PTPRQ: variants seen among roughly 807,000 people sequenced by gnomAD.
PTPRQ encodes phosphatidylinositol phosphatase PTPRQ.
PTPRQ carries 199 observed loss-of-function variants against 246.0 expected under a neutral mutation model. The ratio of observed to expected loss-of-function variants is 0.81; its 90% confidence interval spans 0.72 to 0.91. PTPRQ has a LOEUF of 0.91. Among genes scored for constraint, PTPRQ ranks in the 40% least tolerant of loss-of-function variants. The pLI, the probability that PTPRQ is intolerant of heterozygous loss-of-function variation, is 0.00. For synonymous variants in PTPRQ, 869 were observed against 853.2 expected (o/e 1.02, Z -0.32); for missense variants, 2,624 against 2,528.4 (o/e 1.04, Z -0.81).
chr12:80,617,588 A>G (rs903266904), intron 30 of PTPRQ, among the ~76,000 whole-genome samples: 1 of 151,212 alleles, frequency 6.6e-6, no homozygotes, highest in African/African-American at 2.4e-5. Flanking sequence ...CTTTAGTAAA[A>G]CTTCCCATTT....
Position 80,496,340 on chromosome 12 carries a change from G to T in PTPRQ, c.2081G>T (p.Gly694Val). ...LKWSPPEKPN[G>V]IIIAYEVLYK... ...TGGTCACCACCCGAAAAGCCCAATG[G>T]GATCATTATTGCTTATGAAGTGCTA... The change falls in exon 14 of 45, where the codon GGG becomes GTG. Residue 694 changes from glycine to valine, a missense_variant. Physicochemically the swap from Gly to Val is moderately radical, Grantham distance 109. Coordinates refer to ENST00000644991, the MANE Select transcript of PTPRQ (RefSeq NM_001145026.2). 1 of 1,550,602 alleles carries T rather than the reference G, an allele frequency of 6.4e-7. No individual in the cohort carries two copies. The highest frequency in any genetic ancestry group is 8.7e-7 in the Non-Finnish European group (1 of 1,146,446).
At chr12:80,494,811 G>T in intron 10 of PTPRQ, 122 bp from the exon 11 acceptor site, 1 of 949,300 alleles carries the variant, frequency 1.1e-6, no homozygotes, top group Non-Finnish European at 1.5e-6. Context: ...ATAGAGGTGT[G>T]CATGGAGAGA....
chr12:80,637,533 T>C (rs984735517), intron 35 of PTPRQ, among the ~76,000 whole-genome samples: 16 of 152,204 alleles, frequency 1.1e-4, no homozygotes, highest in African/African-American at 3.6e-4. Flanking sequence ...GTGATTCTGG[T>C]ATTCACAATT....
chr12:80,669,581 T>A, intron 41 of PTPRQ, 117 bp downstream of exon 41: 1 of 1,348,376 alleles, frequency 7.4e-7, no homozygotes, highest in Admixed American at 3.0e-5. Context: ...TATTCAACAA[T>A]GCTTTTGTAT....
intron 4 of PTPRQ, 53 bp downstream of exon 4, chr12:80,457,697 A>T: frequency 2.5e-6 from 1 of 399,632 alleles, no homozygotes. Context: ...TTTGTCGTTT[A>T]AAATAATAAA....
At chr12:80,620,127 T>C in intron 31 of PTPRQ, 27 bp from the exon 32 acceptor site, 1 of 1,518,150 alleles carries the variant, frequency 6.6e-7, no homozygotes, top group Non-Finnish European at 8.8e-7. Context: ...TACTTGGAAT[T>C]ATTGTTCTCT....
chr12:80,587,071 C>A (rs1475549976), intron 25 of PTPRQ, among the ~76,000 whole-genome samples: 1 of 152,030 alleles, frequency 6.6e-6, no homozygotes, highest in African/African-American at 2.4e-5. Context: ...TTGTTTACAG[C>A]TCCCCTGAAT....
intron 3 of PTPRQ, among the ~76,000 whole-genome samples, chr12:80,457,148 G>GT (rs1015157022): frequency 4.0e-5 from 6 of 151,840 alleles, no homozygotes; most frequent in Non-Finnish European, 7.4e-5. Context: ...TTTTAAAACA[G>GT]TTTTTTGAGT....
chr12:80,608,919 G>A (rs1050086122), intron 27 of PTPRQ, among the ~76,000 whole-genome samples: 4 of 150,398 alleles, frequency 2.7e-5, no homozygotes, highest in African/African-American at 9.7e-5. Flanking sequence ...ATTACAAAAA[G>A]CATATTTTTA....
chr12:80,653,226 T>TA (rs974959468), intron 38 of PTPRQ, among the ~76,000 whole-genome samples: 14 of 151,928 alleles, frequency 9.2e-5, no homozygotes, highest in Admixed American at 2.0e-4. Flanking sequence ...CTATGGAACA[T>TA]AAAAAAAATG....
chr12:80,557,066 C>A (rs1350748225), intron 25 of PTPRQ, among the ~76,000 whole-genome samples: 1 of 152,054 alleles, frequency 6.6e-6, no homozygotes, highest in Non-Finnish European at 1.5e-5. Context: ...TTGTTTTTGG[C>A]CATTTTCCTG....
intron 10 of PTPRQ, among the ~76,000 whole-genome samples, chr12:80,494,448 T>C (rs1239932463): frequency 2.0e-5 from 3 of 152,160 alleles, no homozygotes; most frequent in East Asian, 3.9e-4. Context: ...AATAAAACTC[T>C]TTATTTATTT....
intron 25 of PTPRQ, among the ~76,000 whole-genome samples, chr12:80,558,113 TTC>T (rs1310997737): frequency 1.5e-5 from 2 of 133,518 alleles, no homozygotes; most frequent in African/African-American, 3.2e-5. Flanking sequence ...CTTCTTTCTT[TTC>T]TTTCTTTCTT....
chr12:80,486,108 C>G (rs1894267362), intron 9 of PTPRQ, among the ~76,000 whole-genome samples: 1 of 152,078 alleles, frequency 6.6e-6, no homozygotes, highest in South Asian at 2.1e-4. Flanking sequence ...TCAGTTTCTT[C>G]TTCTCTAAGA....
rs150721741 is a variant in PTPRQ, at chr12:80,675,690, T to C, written c.6738+2386T>C. Among the ~76,000 whole-genome samples, 10 of 152,320 alleles carry C rather than the reference T, an allele frequency of 6.6e-5. No homozygotes were observed. The East Asian group carries it at 1.9e-3, about 29-fold the overall frequency. On this transcript the variant is annotated intron_variant, in intron 43 of 44. Transcript: ENST00000644991. ...GTTCAAGAATGTCTGTTAATAATTTTACCCAATTTAGTAGTCAAAATATGT... is the reference window on the plus strand; with the variant it reads ...GTTCAAGAATGTCTGTTAATAATTTCACCCAATTTAGTAGTCAAAATATGT...
chr12:80,503,919 T>A (rs549131082), intron 14 of PTPRQ, among the ~76,000 whole-genome samples: 179 of 150,690 alleles, frequency 1.2e-3, no homozygotes, highest in African/African-American at 3.7e-3. Context: ...TGATTGTCAG[T>A]CTAATTGTCA....
chr12:80,642,659 G>A (rs1056929929), intron 35 of PTPRQ, among the ~76,000 whole-genome samples: 3 of 152,012 alleles, frequency 2.0e-5, no homozygotes, highest in Admixed American at 1.3e-4. Context: ...GGTGGCTCAC[G>A]CCTGTAATCC....
At chr12:80,565,519 C>G (rs1237386201) in intron 25 of PTPRQ, among the ~76,000 whole-genome samples, 2 of 152,090 alleles carry the variant, frequency 1.3e-5, no homozygotes, top group Non-Finnish European at 2.9e-5. Context: ...TCTTTTACTT[C>G]CCTTTTTAAG....
At chr12:80,503,121 C>T (rs1894853270) in intron 14 of PTPRQ, among the ~76,000 whole-genome samples, 2 of 151,822 alleles carry the variant, frequency 1.3e-5, no homozygotes, top group South Asian at 4.1e-4. Flanking sequence ...CCAACTCCTA[C>T]ACCCTATCGT....
Sources: gnomAD v4.1 joint callset for allele counts (sites outside exome capture counted in the v4.1 genomes callset) on GRCh38, gnomAD v4.1.1 for gene constraint, MANE v1.5 for transcripts, NCBI Gene and HGNC (gene_info 2026-07-23, HGNC 2026-07-21) for gene names.